The following GBE1 variants were observed in gnomAD, a reference collection of about 807,000 sequenced individuals.
The protein encoded by GBE1 is 1,4-alpha-glucan-branching enzyme.
Under a neutral mutation model 88.8 loss-of-function variants are expected in GBE1, and 70 were observed. That is an observed-to-expected ratio of 0.79 (90% CI 0.65 to 0.96). GBE1 has a LOEUF of 0.96. GBE1 is among the 40% of genes least tolerant of loss of function. GBE1 has a pLI of 0.00. For missense variants in GBE1, 872 were observed against 871.0 expected (o/e 1.00, Z -0.01); for synonymous variants, 284 against 300.1 (o/e 0.95, Z 0.56).
intron 3 of GBE1, chr3:81,654,810 T>C (rs574282956): frequency 2.0e-5 from 3 of 152,348 alleles, no homozygotes; most frequent in East Asian, 1.9e-4. Flanking sequence ...TTCAGCTTTA[T>C]TGAGTTATAA....
chr3:81,669,593 T>A (rs1576193179), intron 3 of GBE1, among the ~76,000 whole-genome samples: 1 of 151,886 alleles, frequency 6.6e-6, no homozygotes, highest in East Asian at 1.9e-4. Flanking sequence ...TGCCAGGCAC[T>A]GTTCAAAGAA....
At chr3:81,556,785 T>C (rs1201539109) in intron 12 of GBE1, among the ~76,000 whole-genome samples, 1 of 152,102 alleles carries the variant, frequency 6.6e-6, no homozygotes, top group African/African-American at 2.4e-5. Context: ...TCCAGTTAAA[T>C]AAAGAATTTC....
At chr3:81,652,625 A>G (rs948357255) in intron 3 of GBE1, among the ~76,000 whole-genome samples, 1 of 151,664 alleles carries the variant, frequency 6.6e-6, no homozygotes, top group Non-Finnish European at 1.5e-5. Flanking sequence ...AAATATCTCT[A>G]CTCTTTAGGC....
intron 14 of GBE1, among the ~76,000 whole-genome samples, chr3:81,509,954 T>C (rs1702703072): frequency 6.6e-6 from 1 of 152,148 alleles, no homozygotes; most frequent in Admixed American, 6.6e-5. Context: ...TTGGAAGCAA[T>C]TAATTCTCAA....
At chr3:81,683,698 T>C (rs1705391198) in intron 2 of GBE1, among the ~76,000 whole-genome samples, 1 of 152,192 alleles carries the variant, frequency 6.6e-6, no homozygotes, top group African/African-American at 2.4e-5. Flanking sequence ...GGAACACAGA[T>C]CTGAAACTTT....
Position 81,705,526 on chromosome 3 carries a change from G to A in GBE1, c.231C>T (p.Gly77=), listed in dbSNP as rs375359843. ...AACCACCATCAGCACATCTGTGGACGCCAAATGATTCATAGCCTCTGGAAA... is the reference window on the plus strand; with the variant it reads ...AACCACCATCAGCACATCTGTGGACACCAAATGATTCATAGCCTCTGGAAA... ...DKFSRGYESF[G]VHRCADGGLY... Residue 77 remains glycine (G), a synonymous_variant, in exon 2 of 16, where the codon GGC becomes GGT. Coordinates refer to ENST00000429644, the MANE Select transcript of GBE1 (RefSeq NM_000158.4). 4.9e-5 allele frequency: 78 copies of A among 1,600,926 alleles called. No individual in the cohort carries two copies. Among genetic ancestry groups the A allele is most frequent in the Non-Finnish European group, 6.3e-5 (74 of 1,173,366 alleles).
intron 1 of GBE1, among the ~76,000 whole-genome samples, chr3:81,713,666 G>C (rs1275612886): frequency 6.6e-6 from 1 of 152,072 alleles, no homozygotes; most frequent in East Asian, 1.9e-4. Flanking sequence ...TGGTACACAT[G>C]GTTTCTTATT....
rs1703725052 is a variant in GBE1 at position 81,581,178 on chromosome 3, T to G, written c.1433A>C (p.Glu478Ala). ...RYLEKCIAYA[E>A]SHDQALVGDK... ...ATATTCATTTACCTGATCATGGCTC[T>G]CTGCATAAGCAATGCACTTTTCAAG... The change falls in exon 11 of 16, where the codon GAG becomes GCG. Residue 478 changes from glutamate (E) to alanine (A), a missense_variant. Coordinates refer to ENST00000429644, the MANE Select transcript of GBE1 (RefSeq NM_000158.4). The G allele has an allele frequency of 6.2e-7, 1 of 1,600,346 alleles. No homozygotes were observed.
intron 2 of GBE1, among the ~76,000 whole-genome samples, chr3:81,679,260 C>A (rs1366480346): frequency 6.6e-6 from 1 of 152,120 alleles, no homozygotes; most frequent in Non-Finnish European, 1.5e-5. Context: ...AAGCACAGGG[C>A]ATAAGGTTTA....
intron 2 of GBE1, among the ~76,000 whole-genome samples, chr3:81,681,525 C>G (rs1461925352): frequency 6.6e-6 from 1 of 152,228 alleles, no homozygotes; most frequent in Admixed American, 6.5e-5. Flanking sequence ...AAAGCACCTA[C>G]ATAGGTCTCC....
At chr3:81,591,492 C>T (rs982418772) in intron 8 of GBE1, among the ~76,000 whole-genome samples, 1 of 152,072 alleles carries the variant, frequency 6.6e-6, no homozygotes, top group Non-Finnish European at 1.5e-5. Context: ...ATTGTCAATA[C>T]ATTTTCTGTC....
At chr3:81,731,586 T>A (rs1706186485) in intron 1 of GBE1, among the ~76,000 whole-genome samples, 1 of 152,146 alleles carries the variant, frequency 6.6e-6, no homozygotes, top group African/African-American at 2.4e-5. Flanking sequence ...ATTGTAATAA[T>A]ACCTAATGTT....
At chr3:81,748,086 C>T (rs1185941363) in intron 1 of GBE1, among the ~76,000 whole-genome samples, 3 of 152,080 alleles carry the variant, frequency 2.0e-5, no homozygotes, top group Non-Finnish European at 4.4e-5. Flanking sequence ...CGCCACTGCA[C>T]TCCAGCCTGG....
intron 7 of GBE1, among the ~76,000 whole-genome samples, chr3:81,598,063 C>T (rs924662426): frequency 6.6e-6 from 1 of 151,884 alleles, no homozygotes; most frequent in Non-Finnish European, 1.5e-5. Context: ...TATTTAATGA[C>T]ATTACATTTT....
intron 1 of GBE1, among the ~76,000 whole-genome samples, chr3:81,728,389 T>A (rs1171405135): frequency 6.6e-6 from 1 of 152,194 alleles, no homozygotes; most frequent in East Asian, 1.9e-4. Context: ...TATAGTTATA[T>A]ACTTTCTAGT....
chr3:81,750,595 A>ATATATATGTATATATATATGTATATG (rs1706497626), intron 1 of GBE1, among the ~76,000 whole-genome samples: 2 of 40,698 alleles, frequency 4.9e-5, no homozygotes, highest in African/African-American at 2.1e-4. Flanking sequence ...ATACGTATAT[A>ATATATATGTATATATATATGTATATG]TATATGTGTA....
chr3:81,693,739 CACAA>C (rs1472176682), intron 2 of GBE1, among the ~76,000 whole-genome samples: 2 of 152,032 alleles, frequency 1.3e-5, no homozygotes, highest in African/African-American at 4.8e-5. Context: ...TTTTGAAACA[CACAA>C]ACACACACAC....
intron 7 of GBE1, among the ~76,000 whole-genome samples, chr3:81,603,146 T>G (rs936781184): frequency 2.0e-5 from 3 of 152,140 alleles, no homozygotes; most frequent in African/African-American, 7.2e-5. Context: ...CCTCTCTTCC[T>G]TCTTAAATCT....
At chr3:81,508,244 C>G (rs559877512) in intron 14 of GBE1, among the ~76,000 whole-genome samples, 16 of 152,218 alleles carry the variant, frequency 1.1e-4, no homozygotes, top group South Asian at 1.0e-3. Flanking sequence ...TACTTAGAAA[C>G]TTTTCTGTAT....
Sources: allele counts gnomAD v4.1 joint callset (sites outside exome capture counted in the v4.1 genomes callset), GRCh38; gene constraint gnomAD v4.1.1; transcripts MANE v1.5; gene names NCBI Gene and HGNC (gene_info 2026-07-23, HGNC 2026-07-21).